The following GRID2 variants were observed in gnomAD, a reference collection of about 807,000 sequenced individuals.
GRID2 encodes glutamate ionotropic receptor delta type subunit 2, also known as glutamate receptor ionotropic, delta-2.
Under a neutral mutation model 114.8 loss-of-function variants are expected in GRID2, and 33 were observed. The ratio of observed to expected loss-of-function variants is 0.29; its 90% CI spans 0.22 to 0.38. The LOEUF (loss-of-function observed/expected upper bound fraction) is 0.38. GRID2 is among the 10% of genes least tolerant of loss of function. GRID2 has a pLI of 1.00. For synonymous variants in GRID2, 505 were observed against 449.9 expected (o/e 1.12, Z -1.55); for missense variants, 1,184 against 1,257.7 (o/e 0.94, Z 0.89).
intron 2 of GRID2, among the ~76,000 whole-genome samples, chr4:92,655,132 A>G (rs1205651434): frequency 2.0e-5 from 3 of 151,970 alleles, no homozygotes; most frequent in Admixed American, 6.6e-5. Context: ...TCCAAGCACC[A>G]TTTATTGAAG....
At chr4:93,104,905 C>T (rs1397948208) in intron 3 of GRID2, among the ~76,000 whole-genome samples, 1 of 151,890 alleles carries the variant, frequency 6.6e-6, no homozygotes, top group African/African-American at 2.4e-5. Flanking sequence ...AATGGTTGAA[C>T]TAGTTTACAG....
chr4:93,367,680 A>G (rs1030089054), intron 8 of GRID2, among the ~76,000 whole-genome samples: 3 of 152,184 alleles, frequency 2.0e-5, no homozygotes, highest in Admixed American at 6.6e-5. Context: ...CTAGCAAAGT[A>G]CTGGAGACAA....
chr4:93,073,927 G>A (rs766814211), intron 2 of GRID2, among the ~76,000 whole-genome samples: 1 of 152,166 alleles, frequency 6.6e-6, no homozygotes, highest in Non-Finnish European at 1.5e-5. Flanking sequence ...GACCAGGTCC[G>A]CGATAACCTT....
intron 2 of GRID2, among the ~76,000 whole-genome samples, chr4:92,921,478 T>A (rs184036182): frequency 6.6e-6 from 1 of 152,306 alleles, no homozygotes; most frequent in Admixed American, 6.5e-5. Flanking sequence ...CTTTGTGGTT[T>A]TATCTACCTT....
chr4:93,770,419 C>A (rs1218560177), intron 15 of GRID2, among the ~76,000 whole-genome samples: 1 of 152,302 alleles, frequency 6.6e-6, no homozygotes, highest in South Asian at 2.1e-4. Flanking sequence ...TACGGCTTCT[C>A]ATTTGCATAT....
intron 13 of GRID2, among the ~76,000 whole-genome samples, chr4:93,591,046 T>C (rs913179601): frequency 1.3e-5 from 2 of 150,480 alleles, no homozygotes; most frequent in African/African-American, 4.9e-5. Flanking sequence ...ATACCCTTTA[T>C]TTCCTTCTCC....
intron 1 of GRID2, among the ~76,000 whole-genome samples, chr4:92,522,260 T>A (rs1724823236): frequency 6.6e-6 from 1 of 151,808 alleles, no homozygotes; most frequent in South Asian, 2.1e-4. Context: ...CCTTGCAATG[T>A]CAGGCTGAAG....
chr4:92,734,129 A>C (rs978058592), intron 2 of GRID2, among the ~76,000 whole-genome samples: 2 of 152,128 alleles, frequency 1.3e-5, no homozygotes, highest in Non-Finnish European at 2.9e-5. Context: ...ACATGTTTCT[A>C]TCAGCCCTTA....
intron 14 of GRID2, among the ~76,000 whole-genome samples, chr4:93,765,500 C>T (rs1291632626): frequency 2.0e-5 from 3 of 151,700 alleles, no homozygotes; most frequent in Non-Finnish European, 4.4e-5. Flanking sequence ...TCTTTCCCCT[C>T]GATGATCTCC....
chr4:93,390,479 G>A (rs1206892621), intron 8 of GRID2, among the ~76,000 whole-genome samples: 1 of 152,148 alleles, frequency 6.6e-6, no homozygotes, highest in Non-Finnish European at 1.5e-5. Context: ...CCCAAAAACT[G>A]TATGAGGAAG....
chr4:92,873,211 TGTTTA>T (rs1458814982), intron 2 of GRID2, among the ~76,000 whole-genome samples: 7 of 152,286 alleles, frequency 4.6e-5, no homozygotes, highest in Non-Finnish European at 7.4e-5. Flanking sequence ...ATCATTTAGA[TGTTTA>T]GTTTATTAAG....
chr4:93,439,571 T>G (rs1029258248), intron 10 of GRID2, among the ~76,000 whole-genome samples: 2 of 152,056 alleles, frequency 1.3e-5, no homozygotes, highest in Non-Finnish European at 2.9e-5. Context: ...GAAACATAGG[T>G]ATTTCCATCA....
intron 2 of GRID2, among the ~76,000 whole-genome samples, chr4:92,768,750 T>C (rs1374467210): frequency 6.6e-6 from 1 of 152,158 alleles, no homozygotes; most frequent in Non-Finnish European, 1.5e-5. Context: ...AAACTCCCAT[T>C]TTTAAACCAT....
chr4:92,552,375 A>C (rs1216575833), intron 1 of GRID2, among the ~76,000 whole-genome samples: 1 of 152,198 alleles, frequency 6.6e-6, no homozygotes, highest in Admixed American at 6.5e-5. Flanking sequence ...TAATAAGCAG[A>C]TACTTTGTGA....
At chr4:93,710,362 A>G (rs1193899650) in intron 14 of GRID2, among the ~76,000 whole-genome samples, 1 of 152,182 alleles carries the variant, frequency 6.6e-6, no homozygotes, top group Non-Finnish European at 1.5e-5. Context: ...CTTGGGTAAG[A>G]TCCAGGAAAT....
At chr4:93,666,609 G>A (rs1175630982) in intron 14 of GRID2, among the ~76,000 whole-genome samples, 2 of 152,096 alleles carry the variant, frequency 1.3e-5, no homozygotes, top group Non-Finnish European at 2.9e-5. Context: ...AGGACAGTAA[G>A]AGGATATAGC....
At chr4:93,618,444 T>C (rs1578412007) in intron 13 of GRID2, among the ~76,000 whole-genome samples, 1 of 152,090 alleles carries the variant, frequency 6.6e-6, no homozygotes, top group South Asian at 2.1e-4. Flanking sequence ...TTGTAGAAGG[T>C]AAAATATCCT....
At chr4:93,474,493 T>G (rs975404096) in intron 11 of GRID2, among the ~76,000 whole-genome samples, 1 of 152,162 alleles carries the variant, frequency 6.6e-6, no homozygotes, top group African/African-American at 2.4e-5. Context: ...ATAGACAAAC[T>G]CTTATTCTGT....
chr4:93,582,786 C>T (rs906755400), intron 13 of GRID2, among the ~76,000 whole-genome samples: 8 of 151,856 alleles, frequency 5.3e-5, no homozygotes, highest in African/African-American at 1.9e-4. Context: ...ATAAATAATT[C>T]CTTAGGTTCT....
Sources: gnomAD v4.1 joint callset for allele counts (sites outside exome capture counted in the v4.1 genomes callset) on GRCh38, gnomAD v4.1.1 for gene constraint, MANE v1.5 for transcripts, NCBI Gene and HGNC (gene_info 2026-07-23, HGNC 2026-07-21) for gene names.